The following MYPN variants were observed in gnomAD, a reference collection of about 807,000 sequenced individuals.
The protein encoded by MYPN is sarcomeric protein myopalladin, 145 kDa (MYOP).
MYPN carries 63 observed loss-of-function variants against 129.4 expected under a neutral mutation model. The observed-to-expected ratio is 0.49, with a 90% CI of 0.40 to 0.60. The LOEUF is 0.60. MYPN is among the 20% of genes least tolerant of loss of function. MYPN has a pLI of 0.00. For missense variants in MYPN, 1,596 were observed against 1,635.4 expected (o/e 0.98, Z 0.42); for synonymous variants, 629 against 600.9 (o/e 1.05, Z -0.68).
chr10:68,143,360 G>T (rs568353511), intron 3 of MYPN, among the ~76,000 whole-genome samples: 2 of 152,250 alleles, frequency 1.3e-5, no homozygotes, highest in African/African-American at 4.8e-5. Flanking sequence ...TATAAACACT[G>T]TGAAAGATAC....
chr10:68,174,369 C>T lies in MYPN; in HGVS notation c.2277C>T (p.Ser759=). 6.2e-7 allele frequency: 1 copy of T among 1,614,160 alleles called. No homozygotes were observed. Residue 759 remains serine, a synonymous_variant, in exon 11 of 20, where the codon AGC becomes AGT. Coordinates refer to ENST00000358913, the MANE Select transcript of MYPN (RefSeq NM_032578.4). Reference sequence around the variant, plus strand: ...CTCAAACTATTCAGAGGACAGTGAGCAAAGAAAGCCTCTTAGTGTCTCACC... The same window carrying T: ...CTCAAACTATTCAGAGGACAGTGAGTAAAGAAAGCCTCTTAGTGTCTCACC... ...STPQTIQRTV[S]KESLLVSHPS...
intron 1 of MYPN, among the ~76,000 whole-genome samples, chr10:68,110,052 T>C (rs2042060120): frequency 6.6e-6 from 1 of 152,222 alleles, no homozygotes; most frequent in Non-Finnish European, 1.5e-5. Flanking sequence ...ATATAGAGAA[T>C]ATGTAAGCAA....
intron 5 of MYPN, 137 bp downstream of exon 5, chr10:68,148,604 T>A (rs763857854): frequency 9.1e-6 from 7 of 769,296 alleles, no homozygotes; most frequent in Non-Finnish European, 1.6e-5. Context: ...GTATTTCTGA[T>A]GTTTGAGAGC....
chr10:68,156,212 T>C (rs999587951), intron 6 of MYPN, among the ~76,000 whole-genome samples: 1 of 152,160 alleles, frequency 6.6e-6, no homozygotes, highest in African/African-American at 2.4e-5. Flanking sequence ...CTAATTGGTT[T>C]GCCTCAAGAA....
Position 68,142,952 on chromosome 10 carries a change from A to G in MYPN, c.915A>G (p.Glu305=). 4.3e-6 allele frequency: 7 copies of G among 1,614,154 alleles called. No individual in the cohort carries two copies. Among genetic ancestry groups the G allele is most frequent in the Non-Finnish European group, 5.9e-6 (7 of 1,180,000 alleles). ...CTTTTCCCTGCAGGTGGTACTGTGA[A>G]GGCAAGGAGCTTGAAAATTCCCCAG... ...IPPPQVRWYC[E]GKELENSPDI... The change falls in exon 3 of 20, where the codon GAA becomes GAG. Residue 305 remains glutamate (E), a synonymous_variant. Transcript: ENST00000358913.
intron 6 of MYPN, chr10:68,158,053 T>C (rs2042910339): frequency 5.7e-6 from 1 of 175,706 alleles, no homozygotes; most frequent in Admixed American, 5.6e-5. Flanking sequence ...TAGGCTCAGA[T>C]GATTCTGTCT....
At chr10:68,172,419 C>T (rs969234472) in intron 10 of MYPN, among the ~76,000 whole-genome samples, 1 of 152,204 alleles carries the variant, frequency 6.6e-6, no homozygotes, top group African/African-American at 2.4e-5. Flanking sequence ...GCACTGTGAT[C>T]TCACTTATGG....
chr10:68,193,905 G>C (rs2043558629), intron 13 of MYPN, among the ~76,000 whole-genome samples: 1 of 152,000 alleles, frequency 6.6e-6, no homozygotes, highest in African/African-American at 2.4e-5. Context: ...TCCATTTAGT[G>C]TAACAAACCA....
intron 19 of MYPN, among the ~76,000 whole-genome samples, chr10:68,209,158 G>A (rs899496065): frequency 2.0e-5 from 3 of 152,246 alleles, no homozygotes; most frequent in South Asian, 4.1e-4. Flanking sequence ...CCTAGGGAAC[G>A]CCCTTCTGCA....
chr10:68,187,424 TTAC>T (rs2134251422), intron 12 of MYPN, among the ~76,000 whole-genome samples: 1 of 152,332 alleles, frequency 6.6e-6, no homozygotes, highest in South Asian at 2.1e-4. Context: ...TGTTTTTATT[TTAC>T]TTTACAAAAG....
intron 2 of MYPN, among the ~76,000 whole-genome samples, chr10:68,123,545 G>A (rs1412797685): frequency 6.6e-6 from 1 of 150,492 alleles, no homozygotes; most frequent in African/African-American, 2.4e-5. Flanking sequence ...AATTAGCCAA[G>A]CATGGTGGCG....
At position 68,125,196 on chromosome 10, in the gene MYPN, A is replaced by G. The variant is rs755844865; in HGVS notation, c.902+2856A>G. Among the ~76,000 whole-genome samples the G allele has an allele frequency of 3.9e-5, 6 of 152,212 alleles. No individual in the cohort carries two copies. In the South Asian group the frequency reaches 1.2e-3, roughly 32 times the overall value. On this transcript the variant is annotated intron_variant, in intron 2 of 19. Coordinates refer to ENST00000358913, the MANE Select transcript of MYPN (RefSeq NM_032578.4). Reference sequence around the variant, plus strand: ...AAAGTAATCTGGTGGCCACTCAGAAACCATTTAATCAGCCAACTAAAAATT... The same window carrying G: ...AAAGTAATCTGGTGGCCACTCAGAAGCCATTTAATCAGCCAACTAAAAATT...
intron 1 of MYPN, among the ~76,000 whole-genome samples, chr10:68,091,306 T>A (rs1301279111): frequency 2.0e-5 from 3 of 151,976 alleles, no homozygotes; most frequent in Non-Finnish European, 4.4e-5. Flanking sequence ...CCTGTCATTC[T>A]ATTACCTCTT....
At chr10:68,104,382 C>T (rs1564638340), upstream of MYPN, among the ~76,000 whole-genome samples, 1 of 152,172 alleles carries the variant, frequency 6.6e-6, no homozygotes, top group Admixed American at 6.5e-5. Flanking sequence ...CTTGTAAAAA[C>T]TTTATTGACC....
chr10:68,148,006 A>G (rs1402693559), intron 4 of MYPN, among the ~76,000 whole-genome samples: 3 of 152,150 alleles, frequency 2.0e-5, no homozygotes, highest in Non-Finnish European at 2.9e-5. Context: ...GGGGAGGGAA[A>G]ATACCGAGGG....
chr10:68,191,964 T>C (rs921396908), intron 13 of MYPN, among the ~76,000 whole-genome samples: 1 of 152,196 alleles, frequency 6.6e-6, no homozygotes, highest in Non-Finnish European at 1.5e-5. Flanking sequence ...ATAATTTGAC[T>C]TCTTCCTTTC....
intron 1 of MYPN, chr10:68,114,336 CTT>C (rs1177142647): frequency 7.1e-6 from 1 of 140,338 alleles, no homozygotes; most frequent in East Asian, 2.2e-4. Flanking sequence ...ACCTGACTCT[CTT>C]TTTTTTTTCT....
At chr10:68,103,322 A>G (rs779765571), upstream of MYPN, among the ~76,000 whole-genome samples, 4 of 152,196 alleles carry the variant, frequency 2.6e-5, no homozygotes, top group African/African-American at 7.2e-5. Context: ...TATTTTCCTG[A>G]CAAATTATAT....
At chr10:68,124,471 A>G (rs1008878028) in intron 2 of MYPN, among the ~76,000 whole-genome samples, 3 of 152,352 alleles carry the variant, frequency 2.0e-5, no homozygotes, top group Admixed American at 2.0e-4. Context: ...TATTAATAAT[A>G]GCATTTTTGT....
Sources: gnomAD v4.1 joint callset for allele counts (sites outside exome capture counted in the v4.1 genomes callset) on GRCh38, gnomAD v4.1.1 for gene constraint, MANE v1.5 for transcripts, NCBI Gene and HGNC (gene_info 2026-07-23, HGNC 2026-07-21) for gene names.